Variants in MRPL48 observed in about 807,000 individuals in gnomAD.
The protein encoded by MRPL48 is mitochondrial ribosomal protein L48, also known as large ribosomal subunit protein mL48.
In MRPL48, 16 loss-of-function variants were observed where a neutral mutation model predicts 32.9. The ratio of observed to expected loss-of-function variants is 0.49; its 90% CI spans 0.33 to 0.74. MRPL48 has a LOEUF of 0.74. MRPL48 is among the 30% of genes least tolerant of loss of function. The pLI is 0.02. For synonymous variants in MRPL48, 94 were observed against 89.2 expected, an observed-to-expected ratio of 1.05 and a Z score of -0.31; for missense variants, 206 against 245.3, an observed-to-expected ratio of 0.84 and a Z score of 1.07.
At position 73,796,227 on chromosome 11, in the gene MRPL48, A is replaced by G. The variant is rs766547060; in HGVS notation, c.21+8235A>G. Among the ~76,000 whole-genome samples the G allele has an allele frequency of 4.1e-4, 63 of 152,202 alleles. 2 individuals carry two copies. The highest frequency in any genetic ancestry group is 2.0e-4 in the Admixed American group (3 of 15,282). On this transcript the variant is annotated intron_variant, in intron 1 of 7. Coordinates refer to ENST00000310614, the MANE Select transcript of MRPL48 (RefSeq NM_016055.6). ...CTTCCGAGTGCAGTTACGGCCGCCC[A>G]AACTGTGACTGCGGACCCAGGCATC... is the stretch of plus-strand genomic sequence containing the variant.
chr11:73,810,809 T>C (rs1947554288), intron 3 of MRPL48, among the ~76,000 whole-genome samples: 1 of 152,010 alleles, frequency 6.6e-6, no homozygotes, highest in Non-Finnish European at 1.5e-5. Flanking sequence ...CATCCAGTGT[T>C]TGTTTTTCTG....
intron 3 of MRPL48, among the ~76,000 whole-genome samples, chr11:73,815,787 C>T (rs1947655075): frequency 6.6e-6 from 1 of 151,054 alleles, no homozygotes; most frequent in African/African-American, 2.4e-5. Context: ...GTAGTGGCAC[C>T]ATCACAGCTT....
At chr11:73,859,013 A>G (rs1948535815) in intron 5 of MRPL48, among the ~76,000 whole-genome samples, 1 of 152,224 alleles carries the variant, frequency 6.6e-6, no homozygotes, top group Non-Finnish European at 1.5e-5. Context: ...GGGGGAAATT[A>G]ACAATGTTTG....
At chr11:73,802,124 C>T (rs763554092) in intron 1 of MRPL48, 1 of 152,224 alleles carries the variant, frequency 6.6e-6, no homozygotes, top group Non-Finnish European at 1.5e-5. Flanking sequence ...ACGTCTGTAA[C>T]TCTGCAAAAG....
At chr11:73,845,035 T>G in intron 5 of MRPL48, 59 bp downstream of exon 5, 1 of 1,520,248 alleles carries the variant, frequency 6.6e-7, no homozygotes, top group Admixed American at 2.1e-5. Flanking sequence ...TCTGTTTTTT[T>G]GTTAAACTAG....
intron 1 of MRPL48, among the ~76,000 whole-genome samples, chr11:73,797,725 C>T (rs1177587479): frequency 6.6e-6 from 1 of 152,208 alleles, no homozygotes; most frequent in Admixed American, 6.5e-5. Flanking sequence ...CCTTGGCAGG[C>T]GTGGGACCCA....
At chr11:73,846,848 A>G (rs185296932) in intron 5 of MRPL48, among the ~76,000 whole-genome samples, 1 of 151,730 alleles carries the variant, frequency 6.6e-6, no homozygotes, top group Admixed American at 6.6e-5. Context: ...ACAGGCAAAC[A>G]CCAACTCGCC....
chr11:73,818,109 G>T (rs1947709153), intron 3 of MRPL48, among the ~76,000 whole-genome samples: 1 of 152,098 alleles, frequency 6.6e-6, no homozygotes, highest in Admixed American at 6.5e-5. Context: ...ACTGCCCCCA[G>T]ACTGAGATAT....
chr11:73,828,941 T>C (rs1947946900), intron 4 of MRPL48, among the ~76,000 whole-genome samples: 1 of 152,150 alleles, frequency 6.6e-6, no homozygotes, highest in African/African-American at 2.4e-5. Flanking sequence ...CATAAAATAG[T>C]GGGAAATAAA....
At chr11:73,794,807 T>C (rs1947222994) in intron 1 of MRPL48, among the ~76,000 whole-genome samples, 1 of 150,132 alleles carries the variant, frequency 6.7e-6, no homozygotes, top group African/African-American at 2.5e-5. Flanking sequence ...TGCAGTGGCA[T>C]GATCTCGGCT....
rs1038466967 is a variant in MRPL48 at position 73,804,930 on chromosome 11, C to T, written c.22-97C>T. On this transcript the variant is annotated intron_variant, in intron 1 of 7. Transcript: ENST00000310614. The stretch of plus-strand genomic sequence containing the variant: ...TAGATAAGAGCCTTTTTGTCCTTTT[C>T]TGGTTTGTGTACTGTGGGTTTCTTG... 2.7e-5 allele frequency: 30 copies of T among 1,119,288 alleles called. No homozygotes were observed. The African/African-American group carries it at 3.4e-4, about 13-fold the overall frequency. 69.3% of individuals were successfully genotyped at this position (1,119,288 alleles called of 1,614,324 possible). A position where few individuals can be genotyped will look rare whatever the true frequency, so the allele number is the denominator to read the frequency against.
At chr11:73,812,629 A>G (rs940199982) in intron 3 of MRPL48, among the ~76,000 whole-genome samples, 19 of 151,792 alleles carry the variant, frequency 1.3e-4, no homozygotes, top group Non-Finnish European at 2.5e-4. Context: ...CTTTGAGCCC[A>G]GGAGTTTGAG....
intron 2 of MRPL48, 130 bp from the exon 3 acceptor site, chr11:73,808,182 AG>A: frequency 1.1e-6 from 1 of 910,076 alleles, no homozygotes; most frequent in Non-Finnish European, 1.7e-6. Context: ...AGTTTGTGGA[AG>A]GAAGAAAGGA....
At chr11:73,839,089 C>A (rs1948148628) in intron 4 of MRPL48, among the ~76,000 whole-genome samples, 1 of 152,172 alleles carries the variant, frequency 6.6e-6, no homozygotes. Flanking sequence ...ATTGTATTAA[C>A]CATTTTACAT....
At chr11:73,837,120 C>T (rs1335726431) in intron 4 of MRPL48, among the ~76,000 whole-genome samples, 1 of 152,194 alleles carries the variant, frequency 6.6e-6, no homozygotes, top group Non-Finnish European at 1.5e-5. Context: ...ACTAGAATTT[C>T]TGGAAGCTGA....
chr11:73,864,225 GA>G, intron 7 of MRPL48, 70 bp from the exon 8 acceptor site: 1 of 1,420,588 alleles, frequency 7.0e-7, no homozygotes, highest in Non-Finnish European at 9.7e-7. Flanking sequence ...GCCCTTTTTG[GA>G]TGCTGTGCAT....
intron 1 of MRPL48, among the ~76,000 whole-genome samples, chr11:73,795,397 G>A (rs1947236751): frequency 1.3e-5 from 2 of 151,286 alleles, no homozygotes; most frequent in Non-Finnish European, 1.5e-5. Flanking sequence ...CTTCATCTCT[G>A]AATTTTTTTT....
intron 1 of MRPL48, among the ~76,000 whole-genome samples, chr11:73,794,485 G>A (rs891894126): frequency 6.6e-6 from 1 of 151,036 alleles, no homozygotes. Flanking sequence ...AATGTGGGAG[G>A]AGGAAGTTGC....
At chr11:73,823,440 C>T (rs1947819338) in intron 3 of MRPL48, among the ~76,000 whole-genome samples, 2 of 152,074 alleles carry the variant, frequency 1.3e-5, no homozygotes, top group African/African-American at 4.8e-5. Context: ...TTATTATCCT[C>T]ATTTATAAAT....
Sources: allele counts gnomAD v4.1 joint callset (sites outside exome capture counted in the v4.1 genomes callset), GRCh38; gene constraint gnomAD v4.1.1; transcripts MANE v1.5; gene names NCBI Gene and HGNC (gene_info 2026-07-23, HGNC 2026-07-21).